The following ERI1 variants were observed in gnomAD, a reference collection of about 807,000 sequenced individuals.
ERI1 encodes the protein 3'-5' exoribonuclease 1.
A neutral mutation model predicts 39.7 loss-of-function variants in ERI1; 39 were observed. The ratio of observed to expected loss-of-function variants is 0.98; its 90% CI spans 0.76 to 1.28. The LOEUF is 1.28. Ranked by LOEUF, ERI1 falls within the 50% of genes most tolerant of loss-of-function variation. The pLI, the probability that ERI1 is intolerant of heterozygous loss-of-function variation, is 0.00. For missense variants in ERI1, 581 were observed against 416.9 expected, an observed-to-expected ratio of 1.39 and a Z score of -3.43; for synonymous variants, 204 against 149.6, an observed-to-expected ratio of 1.36 and a Z score of -2.65.
In ERI1 at chr8:9,011,670, G is replaced by C. The variant is rs1816685332; in HGVS notation, c.416G>C (p.Cys139Ser). 1 of 1,613,558 alleles carries C rather than the reference G, an allele frequency of 6.2e-7. No individual in the cohort carries two copies. Among genetic ancestry groups the C allele is most frequent in the Admixed American group, 1.7e-5 (1 of 59,994 alleles). ...TGTATTATTGACTTTGAAGCCACTTGTGAAGAAGGAAACCCACCTGAGTTT... is the reference window on the plus strand; with the variant it reads ...TGTATTATTGACTTTGAAGCCACTTCTGAAGAAGGAAACCCACCTGAGTTT... ...YICIIDFEAT[C>S]EEGNPPEFVH... Residue 139 changes from cysteine (C) to serine (S), a missense_variant, in exon 3 of 7, where the codon TGT (cysteine) becomes TCT (serine). Physicochemically the swap from Cys to Ser is moderately radical, Grantham distance 112. Transcript: ENST00000250263.
At chr8:9,066,184 T>G (rs895628329) in intron 3 of ERI1, among the ~76,000 whole-genome samples, 1 of 152,198 alleles carries the variant, frequency 6.6e-6, no homozygotes, top group African/African-American at 2.4e-5. Flanking sequence ...ACCTTCTTCC[T>G]CTTCTTTGTC....
In ERI1 at chr8:9,018,414, T is replaced by C; in HGVS notation, c.692+8T>C. ...CTCACTTTTAACAGATGGGTAAGTA[T>C]TTAGGAAGATTATTTTTTTATATCT... On this transcript the variant is annotated splice_region_variant and intron_variant, in intron 5 of 6. Coordinates refer to ENST00000250263, the MANE Select transcript of ERI1 (RefSeq NM_153332.4). 1 of 1,421,568 alleles carries C rather than the reference T, an allele frequency of 7.0e-7. No individual in the cohort carries two copies. Among genetic ancestry groups the C allele is most frequent in the South Asian group, 1.2e-5 (1 of 83,966 alleles). The allele number at this position is 1,421,568 out of a possible 1,614,324, so 88.1% of individuals were successfully genotyped here. A position where few individuals can be genotyped will look rare whatever the true frequency, so the allele number is the denominator to read the frequency against.
intron 1 of ERI1, among the ~76,000 whole-genome samples, chr8:9,005,143 C>T (rs900581715): frequency 6.6e-6 from 1 of 152,076 alleles, no homozygotes; most frequent in African/African-American, 2.4e-5. Flanking sequence ...CAGAACTCTC[C>T]TTTTGGAAGA....
At chr8:9,005,566 G>A (rs550108574) in intron 1 of ERI1, among the ~76,000 whole-genome samples, 3 of 149,530 alleles carry the variant, frequency 2.0e-5, no homozygotes, top group Non-Finnish European at 3.0e-5. Flanking sequence ...CCAGGCTGGA[G>A]TGCAGCGGCT....
chr8:9,076,134 G>T (rs552831237), intron 3 of ERI1, among the ~76,000 whole-genome samples: 49 of 152,180 alleles, frequency 3.2e-4, no homozygotes, highest in African/African-American at 1.2e-3. Context: ...TTGTAGAGAC[G>T]AGGGCTCACT....
At chr8:9,052,596 G>C (rs997883851) in intron 3 of ERI1, among the ~76,000 whole-genome samples, 6 of 152,202 alleles carry the variant, frequency 3.9e-5, no homozygotes, top group Admixed American at 2.0e-4. Context: ...TTTGCACACA[G>C]AACTGGGGCA....
downstream of ERI1, among the ~76,000 whole-genome samples, chr8:9,036,823 A>G (rs887962682): frequency 7.2e-5 from 11 of 152,140 alleles, no homozygotes; most frequent in Non-Finnish European, 1.6e-4. Context: ...TTCCCCTTGA[A>G]GTGTCCATTC....
At position 9,054,892 on chromosome 8, in the gene ERI1, C is replaced by T. The variant is rs572313345; in HGVS notation, n.299+34428C>T. 4.3e-4 allele frequency among the ~76,000 whole-genome samples: 65 copies of T among 152,338 alleles called. 1 individual carries two copies. The highest frequency in any genetic ancestry group is 8.4e-4 in the Non-Finnish European group (57 of 68,042). On this transcript the variant is annotated intron_variant and non_coding_transcript_variant, in intron 3 of 3. Transcript: ENST00000518663. ...GCAGTGGGCAGAGATCGTGCCATTG[C>T]ACTCCAGCCTGGGTGACAAAGCAAG...
chr8:9,004,085 G>C, intron 1 of ERI1: 6 of 1,289,190 alleles, frequency 4.7e-6, no homozygotes, highest in Non-Finnish European at 6.1e-6. Flanking sequence ...GCCCCTCGCT[G>C]CCTTGTGTTC....
At chr8:9,021,002 A>G (rs6989707) in intron 6 of ERI1, among the ~76,000 whole-genome samples, 20,835 of 151,858 alleles carry the variant, frequency 0.14, 1,540 homozygotes, top group Middle Eastern at 0.16. Flanking sequence ...TCAGTTTGCG[A>G]TCTATTGAAT....
At chr8:9,075,621 C>G (rs1023451632) in intron 3 of ERI1, among the ~76,000 whole-genome samples, 1 of 151,840 alleles carries the variant, frequency 6.6e-6, no homozygotes, top group Non-Finnish European at 1.5e-5. Flanking sequence ...AAGAGACTTA[C>G]AGGGGGCTTA....
chr8:9,090,862 A>G (rs1799680309), intron 3 of ERI1, among the ~76,000 whole-genome samples: 2 of 152,156 alleles, frequency 1.3e-5, no homozygotes, highest in Non-Finnish European at 2.9e-5. Flanking sequence ...CAGAGAAGAA[A>G]TATTCCAAGC....
intron 3 of ERI1, chr8:9,099,848 C>A (rs1431325067): frequency 6.6e-6 from 1 of 151,984 alleles, no homozygotes; most frequent in South Asian, 2.1e-4. Context: ...GCTTTCATTT[C>A]TTTTGGGCAG....
intron 3 of ERI1, among the ~76,000 whole-genome samples, chr8:9,074,318 C>T (rs1799142139): frequency 6.6e-6 from 1 of 151,132 alleles, no homozygotes; most frequent in Admixed American, 6.6e-5. Flanking sequence ...ACCATGTTGG[C>T]CAGGCTGGAC....
chr8:9,084,412 A>G (rs1048535874), intron 3 of ERI1, among the ~76,000 whole-genome samples: 2 of 152,148 alleles, frequency 1.3e-5, no homozygotes, highest in African/African-American at 4.8e-5. Context: ...GTGGAATTGT[A>G]TGGACAGTGG....
chr8:9,044,804 A>G (rs191729338), intron 3 of ERI1, among the ~76,000 whole-genome samples: 72 of 152,204 alleles, frequency 4.7e-4, no homozygotes, highest in Admixed American at 2.0e-3. Context: ...CAATGTGCAG[A>G]TAGAGATTCC....
intron 5 of ERI1, among the ~76,000 whole-genome samples, chr8:9,019,963 A>T (rs1407854003): frequency 6.6e-6 from 1 of 152,172 alleles, no homozygotes; most frequent in Non-Finnish European, 1.5e-5. Context: ...ACCATTTGAT[A>T]CCAGCTGCTT....
chr8:9,044,294 C>G (rs1339792203), intron 3 of ERI1, among the ~76,000 whole-genome samples: 1 of 152,204 alleles, frequency 6.6e-6, no homozygotes, highest in Non-Finnish European at 1.5e-5. Flanking sequence ...CTTACATTTT[C>G]TCTGATTAGC....
rs1258422280 is a variant in ERI1, at chr8:9,032,174, T to A, written c.*2140T>A. 6.6e-6 allele frequency: 1 copy of A among 152,244 alleles called. No individual in the cohort carries two copies. The highest frequency in any genetic ancestry group is 1.9e-4 in the East Asian group (1 of 5,204). 9.4% of individuals were successfully genotyped at this position (152,244 alleles called of 1,614,324 possible). On this transcript the variant is annotated 3_prime_UTR_variant, in exon 7 of 7. Transcript: ENST00000250263. The stretch of plus-strand genomic sequence containing the variant: ...GTACTGCTTTTTACTCTGACTTTTA[T>A]TGTGTTGTCTTTGAAAGACAAATAG...
Sources: allele counts gnomAD v4.1 joint callset (sites outside exome capture counted in the v4.1 genomes callset), GRCh38; gene constraint gnomAD v4.1.1; transcripts MANE v1.5; gene names NCBI Gene and HGNC (gene_info 2026-07-23, HGNC 2026-07-21).